Variants in KCNIP4 observed in about 807,000 individuals in gnomAD.
KCNIP4 encodes Kv channel-interacting protein 4.
Under a neutral mutation model 34.0 loss-of-function variants are expected in KCNIP4, and 12 were observed. The ratio of observed to expected loss-of-function variants is 0.35; its 90% CI spans 0.23 to 0.57. KCNIP4 has a LOEUF of 0.57. Among genes scored for constraint, KCNIP4 ranks in the 20% least tolerant of loss-of-function variants. The probability of loss-of-function intolerance (pLI) is 0.83; values close to 1 mark genes in which losing one functional copy is unlikely to be tolerated. For missense variants in KCNIP4, 238 were observed against 311.7 expected (o/e 0.76, Z 1.78); for synonymous variants, 124 against 102.2 (o/e 1.21, Z -1.29).
chr4:21,032,860 G>C (rs1741136878), intron 1 of KCNIP4, among the ~76,000 whole-genome samples: 2 of 152,060 alleles, frequency 1.3e-5, no homozygotes, highest in African/African-American at 4.8e-5. Context: ...GCTGTTCAGA[G>C]ATTTCACATC....
intron 1 of KCNIP4, among the ~76,000 whole-genome samples, chr4:21,627,990 T>C (rs1395968769): frequency 2.0e-5 from 3 of 152,172 alleles, no homozygotes; most frequent in African/African-American, 7.2e-5. Context: ...TATGCAGTAA[T>C]GCTTGTTTAA....
chr4:21,633,233 T>A (rs183036217), intron 1 of KCNIP4, among the ~76,000 whole-genome samples: 13 of 152,248 alleles, frequency 8.5e-5, no homozygotes, highest in Non-Finnish European at 1.0e-4. Flanking sequence ...AAACCTACAT[T>A]AAAAGTGAGG....
chr4:20,921,737 C>T (rs2149587096), intron 1 of KCNIP4, among the ~76,000 whole-genome samples: 1 of 152,254 alleles, frequency 6.6e-6, no homozygotes, highest in Non-Finnish European at 1.5e-5. Context: ...GTGTATGGTT[C>T]TGCATAGAAC....
At chr4:21,254,392 C>A (rs1466139960) in intron 1 of KCNIP4, among the ~76,000 whole-genome samples, 1 of 152,138 alleles carries the variant, frequency 6.6e-6, no homozygotes, top group Non-Finnish European at 1.5e-5. Flanking sequence ...ATGAGCATCA[C>A]CTGGAGTATT....
At chr4:20,753,060 T>C (rs915989279) in intron 4 of KCNIP4, among the ~76,000 whole-genome samples, 5 of 152,204 alleles carry the variant, frequency 3.3e-5, no homozygotes, top group South Asian at 2.1e-4. Context: ...CAGTTTCTTA[T>C]AATTTTACTT....
chr4:21,909,270 G>A (rs998323413), intron 1 of KCNIP4, among the ~76,000 whole-genome samples: 4 of 151,916 alleles, frequency 2.6e-5, no homozygotes, highest in East Asian at 3.9e-4. Flanking sequence ...TTATATTCCC[G>A]TGCCCCTCAC....
chr4:21,838,206 A>C (rs973577420), intron 1 of KCNIP4, among the ~76,000 whole-genome samples: 3 of 152,174 alleles, frequency 2.0e-5, no homozygotes, highest in African/African-American at 7.2e-5. Context: ...AAACTCTTTA[A>C]TCTTCAACCC....
intron 1 of KCNIP4, among the ~76,000 whole-genome samples, chr4:21,089,850 A>G (rs953692337): frequency 6.6e-6 from 1 of 152,120 alleles, no homozygotes; most frequent in African/African-American, 2.4e-5. Flanking sequence ...GATCACCCCA[A>G]AATGCAAAGC....
intron 1 of KCNIP4, among the ~76,000 whole-genome samples, chr4:21,880,616 T>C (rs1259464685): frequency 6.6e-6 from 1 of 152,248 alleles, no homozygotes; most frequent in Non-Finnish European, 1.5e-5. Context: ...GTTGTTATTC[T>C]GTTTATTTCT....
intron 3 of KCNIP4, among the ~76,000 whole-genome samples, chr4:20,787,793 T>G (rs1712202329): frequency 6.6e-6 from 1 of 152,140 alleles, no homozygotes. Flanking sequence ...TGCTTTTATT[T>G]CCAGCATAAT....
At chr4:21,099,546 C>A (rs1241713986) in intron 1 of KCNIP4, among the ~76,000 whole-genome samples, 1 of 151,976 alleles carries the variant, frequency 6.6e-6, no homozygotes, top group Non-Finnish European at 1.5e-5. Flanking sequence ...ATCTGTGCAG[C>A]AAACCAACAT....
intron 1 of KCNIP4, among the ~76,000 whole-genome samples, chr4:21,328,773 C>A (rs1478882147): frequency 6.6e-6 from 1 of 152,226 alleles, no homozygotes; most frequent in African/African-American, 2.4e-5. Flanking sequence ...TCTACTGTGA[C>A]TGAGCTGGCA....
chr4:20,772,799 G>T (rs554565161), intron 3 of KCNIP4, among the ~76,000 whole-genome samples: 1 of 151,878 alleles, frequency 6.6e-6, no homozygotes, highest in Admixed American at 6.6e-5. Context: ...CCGCCACGAC[G>T]CCCGGCTAAT....
At chr4:21,721,389 A>T (rs539377010) in intron 1 of KCNIP4, among the ~76,000 whole-genome samples, 17 of 152,204 alleles carry the variant, frequency 1.1e-4, no homozygotes, top group Non-Finnish European at 2.4e-4. Context: ...TCCTATAGTG[A>T]ACAAATTTTA....
chr4:21,361,530 T>C (rs1441673954), intron 1 of KCNIP4, among the ~76,000 whole-genome samples: 2 of 152,074 alleles, frequency 1.3e-5, no homozygotes. Flanking sequence ...CTAAAAGGAT[T>C]TGTTGACTTG....
intron 1 of KCNIP4, among the ~76,000 whole-genome samples, chr4:21,138,418 T>C (rs1288552519): frequency 5.9e-5 from 9 of 152,206 alleles, no homozygotes; most frequent in African/African-American, 2.4e-5. Context: ...CTACAGAGCA[T>C]GCCATCATTC....
At chr4:21,076,528 A>G (rs1230001102) in intron 1 of KCNIP4, among the ~76,000 whole-genome samples, 1 of 152,164 alleles carries the variant, frequency 6.6e-6, no homozygotes, top group East Asian at 1.9e-4. Flanking sequence ...TTCAGCATTT[A>G]GAAAATATGG....
rs74965564 is a variant in KCNIP4, at chr4:21,180,691, A to G, written c.62-297982T>C. 2.7e-3 allele frequency among the ~76,000 whole-genome samples: 404 copies of G among 150,670 alleles called. 2 individuals carry two copies. Among genetic ancestry groups the G allele is most frequent in the African/African-American group, 8.6e-3 (357 of 41,276 alleles). On this transcript the variant is annotated intron_variant, in intron 1 of 8. Transcript: ENST00000382152. Reference sequence around the variant, plus strand: ...TGTGTGTGTGTATTTGTGTGTATATATAATATATTTAGTATATTTGTGTAT... The same window carrying G: ...TGTGTGTGTGTATTTGTGTGTATATGTAATATATTTAGTATATTTGTGTAT...
At chr4:21,091,819 C>T (rs1430089029) in intron 1 of KCNIP4, among the ~76,000 whole-genome samples, 1 of 152,154 alleles carries the variant, frequency 6.6e-6, no homozygotes, top group Non-Finnish European at 1.5e-5. Context: ...GAGCACTCCA[C>T]CCTCAAGACC....
Sources: gnomAD v4.1 joint callset for allele counts (sites outside exome capture counted in the v4.1 genomes callset) on GRCh38, gnomAD v4.1.1 for gene constraint, MANE v1.5 for transcripts, NCBI Gene and HGNC (gene_info 2026-07-23, HGNC 2026-07-21) for gene names.